Variants in ULK4 observed in about 807,000 individuals in gnomAD.
The protein encoded by ULK4 is inactive serine/threonine-protein kinase ULK4.
ULK4 carries 133 observed loss-of-function variants against 160.6 expected under a neutral mutation model. That is an observed-to-expected ratio of 0.83 (90% CI 0.72 to 0.96). ULK4 has a LOEUF of 0.96. ULK4 is among the 40% of genes least tolerant of loss of function. The pLI is 0.00. For synonymous variants in ULK4, 534 were observed against 539.8 expected, an observed-to-expected ratio of 0.99 and a Z score of 0.15; for missense variants, 1,580 against 1,499.5, an observed-to-expected ratio of 1.05 and a Z score of -0.89.
intron 32 of ULK4, among the ~76,000 whole-genome samples, chr3:41,493,760 C>T (rs1412527040): frequency 3.4e-5 from 5 of 148,606 alleles, no homozygotes; most frequent in Non-Finnish European, 4.5e-5. Context: ...ACCACCGATC[C>T]CACAGAAATA....
chr3:41,453,302 A>G (rs1256571779), intron 34 of ULK4, among the ~76,000 whole-genome samples: 1 of 152,116 alleles, frequency 6.6e-6, no homozygotes, highest in Non-Finnish European at 1.5e-5. Context: ...CAGCCTCCCA[A>G]GTAGCTAGAA....
intron 35 of ULK4, among the ~76,000 whole-genome samples, chr3:41,256,225 G>A (rs1409294887): frequency 6.6e-6 from 1 of 152,202 alleles, no homozygotes; most frequent in Admixed American, 6.5e-5. Context: ...CTAAGATCAA[G>A]TGAAGAATAA....
intron 21 of ULK4, among the ~76,000 whole-genome samples, chr3:41,759,625 C>T (rs549743824): frequency 6.6e-6 from 1 of 152,124 alleles, no homozygotes; most frequent in Non-Finnish European, 1.5e-5. Context: ...TGGATGTAAA[C>T]TAAGTTTAAA....
intron 32 of ULK4, among the ~76,000 whole-genome samples, chr3:41,565,056 A>G (rs555360602): frequency 7.2e-5 from 11 of 152,366 alleles, no homozygotes; most frequent in Non-Finnish European, 1.3e-4. Context: ...TGACTACAGT[A>G]TTCAGCACAG....
chr3:41,900,853 CTT>C, intron 12 of ULK4, 24 bp from the exon 13 acceptor site: 1 of 1,575,680 alleles, frequency 6.3e-7, no homozygotes, highest in Non-Finnish European at 8.7e-7. Flanking sequence ...AAAAATTAGA[CTT>C]TGTTTCTGCG....
intron 5 of ULK4, among the ~76,000 whole-genome samples, chr3:41,922,609 G>A (rs1362023828): frequency 6.6e-6 from 1 of 150,858 alleles, no homozygotes; most frequent in Non-Finnish European, 1.5e-5. Context: ...GTGGGGTTAA[G>A]GGGTGAGGGG....
At chr3:41,589,718 T>A (rs1263586070) in intron 31 of ULK4, among the ~76,000 whole-genome samples, 1 of 152,092 alleles carries the variant, frequency 6.6e-6, no homozygotes, top group Non-Finnish European at 1.5e-5. Context: ...CTTTATTGCC[T>A]ACCAGAAAAA....
At chr3:41,360,990 T>C (rs184213256) in intron 35 of ULK4, among the ~76,000 whole-genome samples, 1 of 152,122 alleles carries the variant, frequency 6.6e-6, no homozygotes, top group Admixed American at 6.6e-5. Context: ...TATCAGCATA[T>C]CATATTCTGA....
chr3:41,589,426 A>C (rs2031106272), intron 31 of ULK4, among the ~76,000 whole-genome samples: 28 of 101,012 alleles, frequency 2.8e-4, no homozygotes, highest in East Asian at 8.6e-4. Context: ...CACAAAGGCC[A>C]GGCCAAAAAA....
At chr3:41,940,197 C>G (rs1351025196) in intron 2 of ULK4, among the ~76,000 whole-genome samples, 1 of 151,990 alleles carries the variant, frequency 6.6e-6, no homozygotes, top group Non-Finnish European at 1.5e-5. Flanking sequence ...AGCGCCAGGC[C>G]CCTCATTCAT....
chr3:41,756,129 A>G lies in ULK4; in HGVS notation c.2194-1641T>C, dbSNP rs144852183. 1.7e-3 allele frequency among the ~76,000 whole-genome samples: 259 copies of G among 152,336 alleles called. 1 individual carries two copies. The highest frequency in any genetic ancestry group is 3.2e-3 in the Non-Finnish European group (218 of 68,028). On this transcript the variant is annotated intron_variant, in intron 21 of 36. Coordinates refer to ENST00000301831, the MANE Select transcript of ULK4 (RefSeq NM_017886.4). ...ATTAAACTCAGTGACTACTCTAAAC[A>G]TGAGTACTAGCCAAACTCAGAAGTC...
chr3:41,339,477 G>A (rs1380485953), intron 35 of ULK4, among the ~76,000 whole-genome samples: 1 of 152,136 alleles, frequency 6.6e-6, no homozygotes, highest in Non-Finnish European at 1.5e-5. Flanking sequence ...GTCCCTGCTA[G>A]GCTCCTACTG....
chr3:41,849,295 A>G (rs1311213864), intron 17 of ULK4, among the ~76,000 whole-genome samples: 1 of 152,244 alleles, frequency 6.6e-6, no homozygotes, highest in Non-Finnish European at 1.5e-5. Context: ...TATTGCATCC[A>G]TATCTTAGGG....
chr3:41,783,800 C>CT lies in ULK4; in HGVS notation c.2193+5860dup, dbSNP rs541859839. On this transcript the variant is annotated intron_variant, in intron 21 of 36. Transcript: ENST00000301831. The stretch of plus-strand genomic sequence containing the variant: ...TGTAATTATAGAAAATTGTAATGAG[C>CT]TCATCCAATATATTTCTCCCCAATA... 1.2e-3 allele frequency among the ~76,000 whole-genome samples: 185 copies of CT among 152,254 alleles called. 1 individual carries two copies. The highest frequency in any genetic ancestry group is 2.0e-3 in the Non-Finnish European group (133 of 68,024).
At chr3:41,513,599 C>T (rs572501602) in intron 32 of ULK4, among the ~76,000 whole-genome samples, 1 of 152,206 alleles carries the variant, frequency 6.6e-6, no homozygotes, top group Non-Finnish European at 1.5e-5. Context: ...TGCCACTGCA[C>T]TCCAGCCTGG....
chr3:41,902,376 G>C (rs560931480), intron 12 of ULK4, among the ~76,000 whole-genome samples: 4 of 151,934 alleles, frequency 2.6e-5, no homozygotes, highest in Admixed American at 2.6e-4. Context: ...TCAGGAGTTC[G>C]AGACCAGCCT....
intron 32 of ULK4, among the ~76,000 whole-genome samples, chr3:41,515,890 AG>A (rs1460887150): frequency 6.6e-6 from 1 of 152,180 alleles, no homozygotes; most frequent in East Asian, 1.9e-4. Flanking sequence ...AAACTAATCA[AG>A]GGTGATAGAA....
intron 35 of ULK4, among the ~76,000 whole-genome samples, chr3:41,268,910 G>C (rs759202100): frequency 2.0e-5 from 3 of 150,406 alleles, no homozygotes; most frequent in Non-Finnish European, 2.9e-5. Flanking sequence ...AGCTGCTACA[G>C]AGCCAGCAAG....
chr3:41,795,570 A>G (rs2040279802), intron 20 of ULK4, among the ~76,000 whole-genome samples: 1 of 152,222 alleles, frequency 6.6e-6, no homozygotes, highest in Non-Finnish European at 1.5e-5. Flanking sequence ...AATAAAATAA[A>G]CATAACTAAT....
Sources: gnomAD v4.1 joint callset for allele counts (sites outside exome capture counted in the v4.1 genomes callset) on GRCh38, gnomAD v4.1.1 for gene constraint, MANE v1.5 for transcripts, NCBI Gene and HGNC (gene_info 2026-07-23, HGNC 2026-07-21) for gene names.